Variants in GALNT17 observed in about 807,000 individuals in gnomAD.
GALNT17 encodes polypeptide N-acetylgalactosaminyltransferase 17, also known as UDP-GalNAc:polypeptide N-acetylgalactosaminyltransferase-like 3.
A neutral mutation model predicts 63.7 loss-of-function variants in GALNT17; 29 were observed. The observed-to-expected ratio is 0.46, with a 90% CI of 0.34 to 0.62. The LOEUF (loss-of-function observed/expected upper bound fraction) is 0.62, where lower values mean the gene tolerates loss of function less well. GALNT17 is among the 20% of genes least tolerant of loss of function. The pLI, the probability that GALNT17 is intolerant of heterozygous loss-of-function variation, is 0.01. For missense variants in GALNT17, 603 were observed against 799.6 expected (o/e 0.75, Z 2.97); for synonymous variants, 305 against 318.3 (o/e 0.96, Z 0.45).
chr7:71,405,375 C>A (rs1793310252), intron 3 of GALNT17, among the ~76,000 whole-genome samples: 1 of 151,928 alleles, frequency 6.6e-6, no homozygotes, highest in Admixed American at 6.6e-5. Context: ...GCTTATAATC[C>A]CAGCACTTTG....
At chr7:71,325,709 A>G (rs1791693759) in intron 1 of GALNT17, among the ~76,000 whole-genome samples, 1 of 152,140 alleles carries the variant, frequency 6.6e-6, no homozygotes, top group African/African-American at 2.4e-5. Context: ...ACATCGGCAG[A>G]GTGATGTGCT....
At chr7:71,275,830 C>G (rs1186089110) in intron 1 of GALNT17, among the ~76,000 whole-genome samples, 1 of 152,164 alleles carries the variant, frequency 6.6e-6, no homozygotes. Flanking sequence ...GCTCCCTTCC[C>G]CACAAGTTGT....
chr7:71,460,118 T>C (rs573057154), intron 5 of GALNT17, among the ~76,000 whole-genome samples: 1 of 152,282 alleles, frequency 6.6e-6, no homozygotes, highest in South Asian at 2.1e-4. Flanking sequence ...GCACATGTTC[T>C]TAGGACCCCC....
At chr7:71,361,884 C>G (rs1792408753) in intron 2 of GALNT17, among the ~76,000 whole-genome samples, 1 of 152,074 alleles carries the variant, frequency 6.6e-6, no homozygotes, top group Non-Finnish European at 1.5e-5. Flanking sequence ...TGTGATTGAA[C>G]TACGGCTGGG....
intron 2 of GALNT17, among the ~76,000 whole-genome samples, chr7:71,352,099 G>A (rs1792198963): frequency 6.6e-6 from 1 of 152,084 alleles, no homozygotes; most frequent in South Asian, 2.1e-4. Context: ...GACTCAGTGG[G>A]TGAAAATTGA....
chr7:71,439,303 A>C (rs1168949221), intron 5 of GALNT17, among the ~76,000 whole-genome samples: 4 of 152,210 alleles, frequency 2.6e-5, no homozygotes, highest in Non-Finnish European at 4.4e-5. Context: ...ATGGGAGTGC[A>C]CTTACAGAAT....
chr7:71,519,192 T>A (rs982722620), intron 5 of GALNT17, among the ~76,000 whole-genome samples: 2 of 152,044 alleles, frequency 1.3e-5, no homozygotes, highest in African/African-American at 4.8e-5. Context: ...CATGTGTAAC[T>A]ACCAGATAAA....
At chr7:71,651,144 G>A (rs75616841) in intron 6 of GALNT17, among the ~76,000 whole-genome samples, 1 of 148,758 alleles carries the variant, frequency 6.7e-6, no homozygotes, top group African/African-American at 2.5e-5. Flanking sequence ...CAGAAATAGA[G>A]TGAGAGCTAG....
At chr7:71,617,375 G>A (rs923663680) in intron 6 of GALNT17, among the ~76,000 whole-genome samples, 3 of 149,980 alleles carry the variant, frequency 2.0e-5, no homozygotes, top group African/African-American at 7.4e-5. Flanking sequence ...AGGCTGGAGT[G>A]CAGTGGCACA....
At chr7:71,425,691 C>A (rs1031804401) in intron 5 of GALNT17, among the ~76,000 whole-genome samples, 8 of 152,192 alleles carry the variant, frequency 5.3e-5, no homozygotes, top group African/African-American at 1.9e-4. Context: ...CACTCAACTC[C>A]TTGGAGACCT....
At chr7:71,319,020 G>C (rs570912339) in intron 1 of GALNT17, among the ~76,000 whole-genome samples, 10 of 152,110 alleles carry the variant, frequency 6.6e-5, no homozygotes, top group African/African-American at 2.4e-4. Flanking sequence ...TAGGCCCAGG[G>C]ATCTAGGTTT....
chr7:71,596,593 T>A (rs1789890415), intron 6 of GALNT17, among the ~76,000 whole-genome samples: 1 of 152,002 alleles, frequency 6.6e-6, no homozygotes, highest in African/African-American at 2.4e-5. Context: ...TTTGCAACCC[T>A]GAAGATGAGC....
chr7:71,599,979 T>C (rs1005108688), intron 6 of GALNT17, among the ~76,000 whole-genome samples: 1 of 151,866 alleles, frequency 6.6e-6, no homozygotes, highest in Non-Finnish European at 1.5e-5. Flanking sequence ...AGCCAAGTTT[T>C]AACAACCAAA....
At chr7:71,310,073 C>T (rs549056770) in intron 1 of GALNT17, among the ~76,000 whole-genome samples, 10 of 152,328 alleles carry the variant, frequency 6.6e-5, no homozygotes, top group East Asian at 5.8e-4. Context: ...CTGTGTAAGA[C>T]GTGACTTGCT....
intron 2 of GALNT17, among the ~76,000 whole-genome samples, chr7:71,344,732 C>G (rs1792060584): frequency 6.6e-6 from 1 of 151,972 alleles, no homozygotes. Flanking sequence ...ATACAGCAAG[C>G]ACTTTATTAT....
intron 1 of GALNT17, among the ~76,000 whole-genome samples, chr7:71,168,380 TG>T (rs1788484319): frequency 6.6e-6 from 1 of 152,138 alleles, no homozygotes; most frequent in Admixed American, 6.5e-5. Flanking sequence ...AAGACCAGGC[TG>T]GCCAACATGG....
At chr7:71,538,368 G>A (rs1045360469) in intron 5 of GALNT17, among the ~76,000 whole-genome samples, 2 of 152,018 alleles carry the variant, frequency 1.3e-5, no homozygotes, top group Non-Finnish European at 2.9e-5. Flanking sequence ...ATAAACCAGC[G>A]GCACGTGGAC....
At chr7:71,302,864 A>G (rs1470649391) in intron 1 of GALNT17, among the ~76,000 whole-genome samples, 1 of 152,116 alleles carries the variant, frequency 6.6e-6, no homozygotes, top group Non-Finnish European at 1.5e-5. Flanking sequence ...TCATATATGT[A>G]TATATTTACT....
At chr7:71,706,427 T>C (rs895546396) in intron 9 of GALNT17, among the ~76,000 whole-genome samples, 2 of 152,194 alleles carry the variant, frequency 1.3e-5, no homozygotes, top group African/African-American at 4.8e-5. Flanking sequence ...GTCACAGATA[T>C]GCTCAGTTAA....
Sources: allele counts gnomAD v4.1 joint callset (sites outside exome capture counted in the v4.1 genomes callset), GRCh38; gene constraint gnomAD v4.1.1; transcripts MANE v1.5; gene names NCBI Gene and HGNC (gene_info 2026-07-23, HGNC 2026-07-21).